Variants in OSBPL10 observed in about 807,000 individuals in gnomAD.
OSBPL10 encodes the protein oxysterol-binding protein-related protein 10.
A neutral mutation model predicts 81.7 loss-of-function variants in OSBPL10; 49 were observed. That is an observed-to-expected ratio of 0.60 (90% CI 0.48 to 0.76). OSBPL10 has a LOEUF of 0.76. Ranked by LOEUF, OSBPL10 falls within the 30% of genes least tolerant of loss-of-function variation. The pLI is 0.00. For missense variants in OSBPL10, 923 were observed against 987.8 expected, an observed-to-expected ratio of 0.93 and a Z score of 0.88; for synonymous variants, 419 against 383.6, an observed-to-expected ratio of 1.09 and a Z score of -1.08.
intron 2 of OSBPL10, among the ~76,000 whole-genome samples, chr3:32,003,870 A>G (rs901088): frequency 0.045 from 6,784 of 152,244 alleles, 317 homozygotes; most frequent in African/African-American, 0.12. Flanking sequence ...TTGGAGGGAC[A>G]AAGTAGAAAG....
chr3:31,833,060 T>C (rs983553622), intron 3 of OSBPL10, among the ~76,000 whole-genome samples: 2 of 152,168 alleles, frequency 1.3e-5, no homozygotes, highest in Admixed American at 6.5e-5. Flanking sequence ...GAAATAACCA[T>C]ATAATAATCA....
chr3:31,984,141 C>A (rs975426600), upstream of OSBPL10, among the ~76,000 whole-genome samples: 1 of 152,202 alleles, frequency 6.6e-6, no homozygotes, highest in South Asian at 2.1e-4. Context: ...GGGTTCACGT[C>A]ATTCTCCTGC....
chr3:31,737,557 T>C (rs974224546), intron 5 of OSBPL10, among the ~76,000 whole-genome samples: 12 of 151,930 alleles, frequency 7.9e-5, no homozygotes, highest in Non-Finnish European at 1.5e-4. Flanking sequence ...TAAACCAACA[T>C]TAGTAGAATT....
chr3:31,965,090 C>A (rs1410528421), intron 1 of OSBPL10, among the ~76,000 whole-genome samples: 2 of 151,828 alleles, frequency 1.3e-5, no homozygotes, highest in Non-Finnish European at 2.9e-5. Context: ...ATAAAACAAC[C>A]CTTAAAAAAT....
At chr3:31,690,254 C>T (rs1695489348) in intron 7 of OSBPL10, among the ~76,000 whole-genome samples, 1 of 152,014 alleles carries the variant, frequency 6.6e-6, no homozygotes, top group African/African-American at 2.4e-5. Flanking sequence ...AAGTATATAA[C>T]ACCTCCCCCT....
At chr3:31,812,548 G>A (rs4955204) in intron 4 of OSBPL10, among the ~76,000 whole-genome samples, 72,747 of 151,614 alleles carry the variant, frequency 0.48, 17,915 homozygotes, top group East Asian at 0.72. Flanking sequence ...ATGAAGTATT[G>A]TCGCTGTGAT....
chr3:31,755,962 T>C (rs2125711895), intron 4 of OSBPL10, among the ~76,000 whole-genome samples: 1 of 152,322 alleles, frequency 6.6e-6, no homozygotes, highest in South Asian at 2.1e-4. Context: ...CCACTCCCAA[T>C]AGTAACACCA....
At chr3:31,926,292 C>CCCCCT (rs987421368) in intron 1 of OSBPL10, among the ~76,000 whole-genome samples, 1 of 144,360 alleles carries the variant, frequency 6.9e-6, no homozygotes, top group Non-Finnish European at 1.5e-5. Flanking sequence ...TGATTTTGCC[C>CCCCCT]CCCCAGAGGA....
intron 4 of OSBPL10, among the ~76,000 whole-genome samples, chr3:31,786,813 C>T (rs752027563): frequency 6.6e-6 from 1 of 152,170 alleles, no homozygotes; most frequent in African/African-American, 2.4e-5. Flanking sequence ...CATCATGGCA[C>T]ACTTCTCAGG....
intron 1 of OSBPL10, among the ~76,000 whole-genome samples, chr3:31,943,907 C>T (rs1413493256): frequency 2.4e-5 from 3 of 127,632 alleles, no homozygotes; most frequent in South Asian, 5.1e-4. Flanking sequence ...AGCGGAGGTT[C>T]GAGTGAGCTG....
intron 3 of OSBPL10, among the ~76,000 whole-genome samples, chr3:31,854,320 A>T (rs1462915044): frequency 6.6e-6 from 1 of 152,154 alleles, no homozygotes; most frequent in Non-Finnish European, 1.5e-5. Flanking sequence ...TCCAAGCCCA[A>T]GTGTTCTAAC....
intron 2 of OSBPL10, among the ~76,000 whole-genome samples, chr3:32,021,430 C>A (rs922679106): frequency 1.5e-4 from 23 of 152,198 alleles, no homozygotes; most frequent in African/African-American, 4.8e-4. Flanking sequence ...GCCAACATAT[C>A]TGCACCGTTT....
At chr3:31,851,710 T>G (rs183667108) in intron 3 of OSBPL10, among the ~76,000 whole-genome samples, 5 of 152,316 alleles carry the variant, frequency 3.3e-5, no homozygotes, top group Non-Finnish European at 5.9e-5. Flanking sequence ...GTGCCAGAAG[T>G]GTCATGCAGC....
intron 2 of OSBPL10, among the ~76,000 whole-genome samples, chr3:32,002,662 C>A (rs934556738): frequency 7.7e-6 from 1 of 129,766 alleles, no homozygotes; most frequent in Admixed American, 7.8e-5. Flanking sequence ...ACTCTAACAT[C>A]ATTTCAAACA....
intron 3 of OSBPL10, among the ~76,000 whole-genome samples, chr3:31,848,834 C>T (rs892028676): frequency 6.6e-5 from 10 of 152,240 alleles, no homozygotes; most frequent in African/African-American, 2.4e-4. Context: ...TATTTAATCA[C>T]ATCCTTAATA....
intron 3 of OSBPL10, among the ~76,000 whole-genome samples, chr3:31,861,470 AT>A (rs561259085): frequency 3.3e-5 from 5 of 151,974 alleles, no homozygotes; most frequent in African/African-American, 4.8e-5. Flanking sequence ...AACAGATGCA[AT>A]TTTTTTTAGA....
At chr3:31,730,809 A>T (rs1168969059) in intron 6 of OSBPL10, among the ~76,000 whole-genome samples, 1 of 152,222 alleles carries the variant, frequency 6.6e-6, no homozygotes, top group Non-Finnish European at 1.5e-5. Context: ...TTGGTACCCC[A>T]CTTATCCCCC....
chr3:31,687,613 C>CG (rs139890003), intron 7 of OSBPL10, among the ~76,000 whole-genome samples: 3,386 of 152,250 alleles, frequency 0.022, 113 homozygotes, highest in African/African-American at 0.078. Context: ...ACCCAGTGGC[C>CG]GAGCCAGCAG....
At chr3:31,942,436 G>A (rs1164399736) in intron 1 of OSBPL10, among the ~76,000 whole-genome samples, 2 of 99,340 alleles carry the variant, frequency 2.0e-5, no homozygotes, top group Non-Finnish European at 2.7e-5. Flanking sequence ...ACAAGAGGCT[G>A]AGAGAGGAGA....
Sources: gnomAD v4.1 joint callset for allele counts (sites outside exome capture counted in the v4.1 genomes callset) on GRCh38, gnomAD v4.1.1 for gene constraint, MANE v1.5 for transcripts, NCBI Gene and HGNC (gene_info 2026-07-23, HGNC 2026-07-21) for gene names.